Variants in RNF185 observed in about 807,000 individuals in gnomAD.
RNF185 encodes ring finger protein 185.
Under a neutral mutation model 24.9 loss-of-function variants are expected in RNF185, and 13 were observed. That is an observed-to-expected ratio of 0.52 (90% CI 0.34 to 0.83). The LOEUF (loss-of-function observed/expected upper bound fraction) is 0.83, where lower values mean the gene tolerates loss of function less well. RNF185 is among the 40% of genes least tolerant of loss of function. RNF185 has a pLI of 0.01. For missense variants in RNF185, 184 were observed against 244.7 expected, an observed-to-expected ratio of 0.75 and a Z score of 1.65; for synonymous variants, 79 against 90.3, an observed-to-expected ratio of 0.88 and a Z score of 0.71.
intron 2 of RNF185, among the ~76,000 whole-genome samples, chr22:31,188,935 A>C (rs1345152454): frequency 6.8e-6 from 1 of 147,672 alleles, no homozygotes; most frequent in Non-Finnish European, 1.5e-5. Context: ...CCTGGCTAAC[A>C]CGGTGAAACC....
intron 1 of RNF185, among the ~76,000 whole-genome samples, chr22:31,178,866 A>G (rs78449011): frequency 3.1e-3 from 472 of 152,336 alleles, no homozygotes; most frequent in African/African-American, 0.01. Context: ...GACAAAAACC[A>G]GGTATTTAAT....
At chr22:31,194,688 A>T (rs912991222) in intron 3 of RNF185, among the ~76,000 whole-genome samples, 1 of 152,108 alleles carries the variant, frequency 6.6e-6, no homozygotes, top group East Asian at 1.9e-4. Context: ...AGATCATGCC[A>T]CTACACTCCA....
intron 1 of RNF185, among the ~76,000 whole-genome samples, chr22:31,185,627 G>A (rs2048091418): frequency 6.6e-6 from 1 of 152,232 alleles, no homozygotes; most frequent in Non-Finnish European, 1.5e-5. Flanking sequence ...GCAAGCTAGA[G>A]GCTGAGTCCA....
chr22:31,195,945 T>C (rs2048201636), intron 4 of RNF185, among the ~76,000 whole-genome samples: 1 of 152,110 alleles, frequency 6.6e-6, no homozygotes, highest in South Asian at 2.1e-4. Context: ...TTTGTGGAGT[T>C]TGGGATTTCT....
intron 2 of RNF185, among the ~76,000 whole-genome samples, chr22:31,189,135 A>ATGTGTGTGTGTG (rs202051750): frequency 2.5e-4 from 34 of 136,904 alleles, no homozygotes; most frequent in Non-Finnish European, 2.7e-4. Context: ...CAAAAAAAAA[A>ATGTGTGTGTGTG]TGTGTGTGTG....
At chr22:31,182,486 G>A (rs1472899873) in intron 1 of RNF185, among the ~76,000 whole-genome samples, 3 of 152,016 alleles carry the variant, frequency 2.0e-5, no homozygotes, top group African/African-American at 7.2e-5. Context: ...TTTTGGTAGA[G>A]ATAGGGTTTC....
At chr22:31,165,290 T>G (rs1185192638) in intron 1 of RNF185, among the ~76,000 whole-genome samples, 1 of 152,170 alleles carries the variant, frequency 6.6e-6, no homozygotes, top group East Asian at 1.9e-4. Context: ...CTAAAAAAAT[T>G]ATATCTCTCC....
intron 5 of RNF185, among the ~76,000 whole-genome samples, chr22:31,198,459 T>C (rs2048229184): frequency 6.8e-6 from 1 of 146,358 alleles, no homozygotes. Context: ...AGTGTAGTAG[T>C]GCGATCTCGG....
At chr22:31,203,304 G>A (rs998127062) in intron 6 of RNF185, among the ~76,000 whole-genome samples, 5 of 152,132 alleles carry the variant, frequency 3.3e-5, no homozygotes, top group African/African-American at 9.7e-5. Flanking sequence ...GGAGACTTAG[G>A]TTCTCACCCC....
chr22:31,169,856 T>C (rs1009183074), intron 1 of RNF185, among the ~76,000 whole-genome samples: 3 of 151,976 alleles, frequency 2.0e-5, no homozygotes, highest in Admixed American at 2.0e-4. Context: ...CTTCAAACCG[T>C]ACTTCTCTAC....
intron 5 of RNF185, 183 bp downstream of exon 5, chr22:31,197,173 A>AT: frequency 1.3e-6 from 1 of 744,114 alleles, no homozygotes; most frequent in South Asian, 2.1e-5. Context: ...CACTGGAAAC[A>AT]TTTTGGTTCT....
chr22:31,202,714 G>A (rs568128268), intron 6 of RNF185, among the ~76,000 whole-genome samples: 436 of 142,846 alleles, frequency 3.1e-3, no homozygotes, highest in African/African-American at 0.011. Flanking sequence ...CCAGGTTTAC[G>A]CCATTCTCCT....
intron 1 of RNF185, among the ~76,000 whole-genome samples, chr22:31,174,021 A>C (rs2047957468): frequency 6.6e-6 from 1 of 152,206 alleles, no homozygotes; most frequent in Non-Finnish European, 1.5e-5. Context: ...CCTTCAGTGA[A>C]CTCAGAGACC....
intron 1 of RNF185, among the ~76,000 whole-genome samples, chr22:31,169,989 G>T (rs566148635): frequency 6.6e-6 from 1 of 152,194 alleles, no homozygotes; most frequent in Admixed American, 6.5e-5. Context: ...ATTAGAAGCA[G>T]CACTTCTATG....
intron 2 of RNF185, among the ~76,000 whole-genome samples, chr22:31,187,937 G>T (rs73158520): frequency 1.0e-3 from 133 of 127,672 alleles, no homozygotes; most frequent in Non-Finnish European, 1.6e-3. Context: ...GTGTGTGTGT[G>T]TTTTTTTTTG....
chr22:31,173,416 G>GACACACACAGACACAC (rs2047949815), intron 1 of RNF185, among the ~76,000 whole-genome samples: 1 of 146,784 alleles, frequency 6.8e-6, no homozygotes, highest in Admixed American at 6.8e-5. Context: ...CACACACACA[G>GACACACACAGACACAC]ACACACACAC....
At chr22:31,195,703 C>T (rs2048199567) in intron 4 of RNF185, 122 bp downstream of exon 4, 1 of 675,986 alleles carries the variant, frequency 1.5e-6, no homozygotes, top group African/African-American at 1.8e-5. Flanking sequence ...TCGAAGCAGT[C>T]TCATCCAGAT....
intron 6 of RNF185, among the ~76,000 whole-genome samples, chr22:31,202,514 T>C (rs1377301167): frequency 2.6e-5 from 4 of 152,112 alleles, no homozygotes; most frequent in Non-Finnish European, 4.4e-5. Flanking sequence ...CTATAAGTCT[T>C]TCTTGACTGC....
At chr22:31,180,559 C>G (rs1453921023) in intron 1 of RNF185, among the ~76,000 whole-genome samples, 1 of 147,330 alleles carries the variant, frequency 6.8e-6, no homozygotes, top group South Asian at 2.1e-4. Context: ...GAGTCTCGCT[C>G]TAATTGCCCA....
Sources: allele counts gnomAD v4.1 joint callset (sites outside exome capture counted in the v4.1 genomes callset), GRCh38; gene constraint gnomAD v4.1.1; transcripts MANE v1.5; gene names NCBI Gene and HGNC (gene_info 2026-07-23, HGNC 2026-07-21).